The following SORCS1 variants were observed in gnomAD, a reference collection of about 807,000 sequenced individuals.
SORCS1 encodes the protein sortilin related VPS10 domain containing receptor 1, also known as VPS10 domain-containing receptor SorCS1.
In SORCS1, 60 loss-of-function variants were observed where a neutral mutation model predicts 146.1. The observed-to-expected ratio is 0.41, with a 90% CI of 0.33 to 0.51. The LOEUF (loss-of-function observed/expected upper bound fraction) is 0.51. SORCS1 is among the 20% of genes least tolerant of loss of function. The probability of loss-of-function intolerance (pLI) is 0.21; values close to 1 mark genes in which losing one functional copy is unlikely to be tolerated. For synonymous variants in SORCS1, 637 were observed against 584.0 expected (o/e 1.09, Z -1.31); for missense variants, 1,352 against 1,487.6 (o/e 0.91, Z 1.50).
chr10:106,785,307 C>A (rs1410545322), intron 3 of SORCS1, among the ~76,000 whole-genome samples: 1 of 152,118 alleles, frequency 6.6e-6, no homozygotes, highest in Non-Finnish European at 1.5e-5. Flanking sequence ...CTTCTGAGGG[C>A]CCATTTGTCT....
intron 9 of SORCS1, among the ~76,000 whole-genome samples, chr10:106,692,038 C>CTGTT (rs531731642): frequency 1.6e-4 from 25 of 152,158 alleles, no homozygotes; most frequent in South Asian, 1.5e-3. Context: ...ACAAAGAACC[C>CTGTT]TGTTTGTTTG....
intron 2 of SORCS1, among the ~76,000 whole-genome samples, chr10:106,844,180 C>T (rs1429207924): frequency 6.6e-6 from 1 of 152,098 alleles, no homozygotes; most frequent in Non-Finnish European, 1.5e-5. Flanking sequence ...TTTTTATATG[C>T]CATCTTTGGA....
intron 23 of SORCS1, among the ~76,000 whole-genome samples, chr10:106,598,489 T>C (rs1418323938): frequency 6.6e-6 from 1 of 151,874 alleles, no homozygotes; most frequent in African/African-American, 2.4e-5. Flanking sequence ...CTTGATCTCT[T>C]GACCTTGTGA....
In SORCS1 at chr10:106,956,542, C is replaced by CA. The variant is rs750690117; in HGVS notation, c.596dup (p.Ser201GlufsTer18). Reference sequence around the variant, plus strand: ...AAAGCGAGCTCTCTGTGATGCTCCCCAGGTTATAGTCATAGAGCTTTGTCA... The same window carrying CA: ...AAAGCGAGCTCTCTGTGATGCTCCCCAAGGTTATAGTCATAGAGCTTTGTCA... On this transcript the variant is annotated frameshift_variant, in exon 2 of 26. Coordinates refer to ENST00000263054, the MANE Select transcript of SORCS1 (RefSeq NM_052918.5). LOFTEE classifies it high-confidence loss of function. 1 of 1,614,158 alleles carries CA rather than the reference C, an allele frequency of 6.2e-7. No individual in the cohort carries two copies. The highest frequency in any genetic ancestry group is 1.1e-5 in the South Asian group (1 of 91,080).
At chr10:106,623,796 G>A (rs1009223530) in intron 19 of SORCS1, among the ~76,000 whole-genome samples, 23 of 152,228 alleles carry the variant, frequency 1.5e-4, no homozygotes, top group African/African-American at 5.1e-4. Context: ...ATCCCAAGTA[G>A]TTGGGATTAC....
chr10:106,688,231 C>T lies in SORCS1; in HGVS notation c.1521G>A (p.Pro507=), dbSNP rs139403186. The T allele has an allele frequency of 2.7e-5, 44 of 1,613,856 alleles. 1 individual carries two copies. In the Admixed American group the frequency reaches 3.3e-4, roughly 12 times the overall value. ...KGRDWRLLQA[P]DTDLRGDPVH... Reference sequence around the variant, plus strand: ...CGGGGTCCCCCCTTAGATCCGTGTCCGGCGCCTGCAGCAAACGCCAGTCTC... The same window carrying T: ...CGGGGTCCCCCCTTAGATCCGTGTCTGGCGCCTGCAGCAAACGCCAGTCTC... Residue 507 remains proline, a synonymous_variant, in exon 10 of 26, where the codon CCG becomes CCA. Transcript: ENST00000263054.
intron 1 of SORCS1, among the ~76,000 whole-genome samples, chr10:107,069,328 A>T (rs943846529): frequency 2.6e-5 from 4 of 151,994 alleles, no homozygotes; most frequent in African/African-American, 9.7e-5. Context: ...TCTGCTGCAG[A>T]CTACATTTTA....
chr10:107,031,725 G>A (rs904131673), intron 1 of SORCS1, among the ~76,000 whole-genome samples: 16 of 151,626 alleles, frequency 1.1e-4, no homozygotes, highest in East Asian at 1.9e-4. Flanking sequence ...CTCCCTCCTC[G>A]CCCTGTCAAA....
At chr10:107,124,472 T>C (rs1966589210) in intron 1 of SORCS1, among the ~76,000 whole-genome samples, 1 of 152,062 alleles carries the variant, frequency 6.6e-6, no homozygotes, top group South Asian at 2.1e-4. Flanking sequence ...TTCCTTTTTT[T>C]CTCCCAAACC....
At chr10:107,028,424 C>A (rs1430705554) in intron 1 of SORCS1, among the ~76,000 whole-genome samples, 1 of 152,156 alleles carries the variant, frequency 6.6e-6, no homozygotes, top group Admixed American at 6.6e-5. Context: ...TTCCCAAGAG[C>A]CTCTGTTTTC....
intron 1 of SORCS1, among the ~76,000 whole-genome samples, chr10:107,082,671 C>T (rs1186724251): frequency 4.6e-5 from 7 of 151,832 alleles, no homozygotes; most frequent in East Asian, 1.9e-4. Context: ...TGGTAGATAC[C>T]GGGTTTCACC....
intron 1 of SORCS1, among the ~76,000 whole-genome samples, chr10:107,105,753 T>C (rs1306240909): frequency 6.7e-6 from 1 of 149,880 alleles, no homozygotes; most frequent in Admixed American, 6.7e-5. Flanking sequence ...CCTCTCCCAG[T>C]ACACTGACTC....
At chr10:107,175,341 T>C in the SORCS1 span, among the ~76,000 whole-genome samples, 1 of 152,238 alleles carries the variant, frequency 6.6e-6, no homozygotes. Flanking sequence ...TATTTCTTCC[T>C]TATTTGTTTG....
At chr10:106,834,357 G>A (rs1290604835) in intron 2 of SORCS1, among the ~76,000 whole-genome samples, 2 of 152,112 alleles carry the variant, frequency 1.3e-5, no homozygotes, top group Admixed American at 6.5e-5. Flanking sequence ...ATGTGATTAG[G>A]CAACATTTAA....
At chr10:106,913,076 GAA>G (rs34402617) in intron 2 of SORCS1, among the ~76,000 whole-genome samples, 1 of 144,914 alleles carries the variant, frequency 6.9e-6, no homozygotes. Context: ...GGACTGCAAA[GAA>G]AAAAAAAAAA....
chr10:106,681,788 C>T (rs917231195), intron 10 of SORCS1, among the ~76,000 whole-genome samples: 2 of 152,154 alleles, frequency 1.3e-5, no homozygotes, highest in Admixed American at 1.3e-4. Context: ...AGTTATTTGC[C>T]ACCTGACCTA....
intron 1 of SORCS1, among the ~76,000 whole-genome samples, chr10:107,062,914 A>G (rs1466781329): frequency 1.3e-5 from 2 of 152,042 alleles, no homozygotes; most frequent in Non-Finnish European, 2.9e-5. Flanking sequence ...GAAAAGGGGG[A>G]AAAATCCTAT....
intron 2 of SORCS1, among the ~76,000 whole-genome samples, chr10:106,917,853 T>A (rs1295532285): frequency 6.6e-6 from 1 of 152,210 alleles, no homozygotes; most frequent in Non-Finnish European, 1.5e-5. Flanking sequence ...TCTAAAAATA[T>A]CTGTCAGCTC....
Position 106,665,279 on chromosome 10 carries a change from G to A in SORCS1, c.2303+2410C>T, listed in dbSNP as rs184719785. Among the ~76,000 whole-genome samples, 488 of 152,150 alleles carry A rather than the reference G, an allele frequency of 3.2e-3. 5 individuals carry two copies. The highest frequency in any genetic ancestry group is 6.0e-3 in the Admixed American group (91 of 15,284). On this transcript the variant is annotated intron_variant, in intron 17 of 25. Transcript: ENST00000263054. ...AAGTGGATTCTCTGTACTGTAGCTG[G>A]CTCAAGAAAGGAGAAGGGGCTTTGT...
Sources: gnomAD v4.1 joint callset for allele counts (sites outside exome capture counted in the v4.1 genomes callset) on GRCh38, gnomAD v4.1.1 for gene constraint, MANE v1.5 for transcripts, NCBI Gene and HGNC (gene_info 2026-07-23, HGNC 2026-07-21) for gene names.